The following RASGRF2 variants were observed in gnomAD, a reference collection of about 807,000 sequenced individuals.
The protein encoded by RASGRF2 is Ras protein specific guanine nucleotide releasing factor 2.
A neutral mutation model predicts 151.0 loss-of-function variants in RASGRF2; 76 were observed. That is an observed-to-expected ratio of 0.50 (90% CI 0.42 to 0.61). RASGRF2 has a LOEUF of 0.61. RASGRF2 is among the 20% of genes least tolerant of loss of function. RASGRF2 has a pLI of 0.00. For missense variants in RASGRF2, 1,148 were observed against 1,564.6 expected (o/e 0.73, Z 4.49); for synonymous variants, 504 against 566.5 (o/e 0.89, Z 1.57).
At chr5:81,178,803 G>GGA (rs1754842595) in intron 17 of RASGRF2, among the ~76,000 whole-genome samples, 2 of 151,880 alleles carry the variant, frequency 1.3e-5, no homozygotes, top group Non-Finnish European at 2.9e-5. Flanking sequence ...CAGTGGCGCC[G>GGA]TCTTGGCTCA....
intron 17 of RASGRF2, among the ~76,000 whole-genome samples, chr5:81,170,276 G>A (rs1324663838): frequency 6.6e-5 from 10 of 151,912 alleles, no homozygotes; most frequent in Non-Finnish European, 1.2e-4. Flanking sequence ...GCCTCTCCTC[G>A]TTCCACTTTG....
At chr5:81,206,737 C>T in intron 19 of RASGRF2, 108 bp from the exon 20 acceptor site, 2 of 897,680 alleles carry the variant, frequency 2.2e-6, no homozygotes, top group Non-Finnish European at 1.8e-6. Flanking sequence ...GCCTTGTAGA[C>T]CCAAATCCTC....
chr5:81,214,137 G>A (rs1453556130), intron 23 of RASGRF2, among the ~76,000 whole-genome samples: 1 of 152,208 alleles, frequency 6.6e-6, no homozygotes, highest in Non-Finnish European at 1.5e-5. Context: ...TGATATTCTT[G>A]TCTTTGATAG....
At position 81,228,862 on chromosome 5, in the gene RASGRF2, A is replaced by G. The variant is rs955994058; in HGVS notation, c.*3092A>G. The G allele has an allele frequency of 6.6e-6, 1 of 152,226 alleles. No homozygotes were observed. Among genetic ancestry groups the G allele is most frequent in the African/African-American group, 2.4e-5 (1 of 41,466 alleles). The allele number at this position is 152,226 out of a possible 1,614,324, so 9.4% of individuals were successfully genotyped here. ...ATTGCAATATTTTCAAGTGGCTCTC[A>G]TACCAAGTCCCATTACTGTTTGTTA... On this transcript the variant is annotated 3_prime_UTR_variant, in exon 27 of 27. Coordinates refer to ENST00000265080, the MANE Select transcript of RASGRF2 (RefSeq NM_006909.3).
chr5:81,006,151 A>G (rs1580195068), intron 1 of RASGRF2, among the ~76,000 whole-genome samples: 3 of 152,208 alleles, frequency 2.0e-5, no homozygotes, highest in East Asian at 1.9e-4. Context: ...TTGTATGGCT[A>G]TAGAACCAAC....
chr5:81,197,126 T>A (rs920391984), intron 18 of RASGRF2, among the ~76,000 whole-genome samples: 23 of 152,216 alleles, frequency 1.5e-4, no homozygotes, highest in Admixed American at 1.0e-3. Context: ...CAGTGGCTCT[T>A]GTTTCTGAAG....
At chr5:81,148,668 CTGT>C (rs1754059178) in intron 17 of RASGRF2, among the ~76,000 whole-genome samples, 1 of 113,686 alleles carries the variant, frequency 8.8e-6, no homozygotes, top group African/African-American at 3.3e-5. Context: ...ACTCTGGGGA[CTGT>C]TGTGGGGTGG....
rs77941185 is a variant in RASGRF2 at position 81,114,774 on chromosome 5, A to G, written c.2470+854A>G. 1.9e-3 allele frequency: 283 copies of G among 152,396 alleles called. 1 individual carries two copies. Among genetic ancestry groups the G allele is most frequent in the Middle Eastern group, 6.8e-3 (2 of 294 alleles). The allele number at this position is 152,396 out of a possible 1,614,324, so 9.4% of individuals were successfully genotyped here. A position where few individuals can be genotyped will look rare whatever the true frequency, so the allele number is the denominator to read the frequency against. ...TTTCCTCTGCTTGGCCACTTTTGCC[A>G]TGTAAGCTCCATGAGATCAGCAGTC... On this transcript the variant is annotated intron_variant, in intron 15 of 26. Transcript: ENST00000265080.
At chr5:81,106,483 G>A (rs1752850779) in intron 12 of RASGRF2, among the ~76,000 whole-genome samples, 1 of 152,138 alleles carries the variant, frequency 6.6e-6, no homozygotes, top group African/African-American at 2.4e-5. Context: ...CTTCCCATCT[G>A]CCTATAGGAT....
chr5:81,000,855 T>C (rs1056790822), intron 1 of RASGRF2, among the ~76,000 whole-genome samples: 1 of 152,214 alleles, frequency 6.6e-6, no homozygotes, highest in African/African-American at 2.4e-5. Flanking sequence ...CAGAACAACG[T>C]GCGTAACTGG....
At chr5:81,158,892 C>G (rs1754320154) in intron 17 of RASGRF2, among the ~76,000 whole-genome samples, 1 of 152,100 alleles carries the variant, frequency 6.6e-6, no homozygotes, top group Non-Finnish European at 1.5e-5. Context: ...TTATGAGGTT[C>G]AACATAAGCT....
At chr5:80,997,015 T>G (rs1328180238) in intron 1 of RASGRF2, among the ~76,000 whole-genome samples, 2 of 152,208 alleles carry the variant, frequency 1.3e-5, no homozygotes, top group Admixed American at 1.3e-4. Context: ...GTCTCCTTAT[T>G]TGGCAATTAA....
At chr5:81,015,292 T>C (rs2112323960) in intron 1 of RASGRF2, among the ~76,000 whole-genome samples, 1 of 152,296 alleles carries the variant, frequency 6.6e-6, no homozygotes, top group South Asian at 2.1e-4. Context: ...AGTAATGGGA[T>C]TGCTGGGTCA....
In RASGRF2 at chr5:81,097,331, G is replaced by A. The variant is rs534930774; in HGVS notation, c.1755+2339G>A. On this transcript the variant is annotated intron_variant, in intron 12 of 26. Transcript: ENST00000265080. ...ATGGCATTTTGTGGCTTTGACATTT[G>A]TGGTTTTATTCATTCAACAAATATA... Among the ~76,000 whole-genome samples, 11 of 152,242 alleles carry A rather than the reference G, an allele frequency of 7.2e-5. No homozygotes were observed. The South Asian group carries it at 2.3e-3, about 32-fold the overall frequency.
intron 1 of RASGRF2, among the ~76,000 whole-genome samples, chr5:80,965,941 T>C (rs112425073): frequency 0.011 from 1,606 of 152,284 alleles, 38 homozygotes; most frequent in African/African-American, 0.037. Flanking sequence ...TTACTTAGTC[T>C]TTATGATTAT....
chr5:81,115,035 C>T (rs895597039), intron 15 of RASGRF2, among the ~76,000 whole-genome samples: 1 of 152,142 alleles, frequency 6.6e-6, no homozygotes, highest in African/African-American at 2.4e-5. Context: ...AAATTACAAA[C>T]AGCTTTTAAA....
intron 1 of RASGRF2, among the ~76,000 whole-genome samples, chr5:81,030,866 A>G (rs1490652551): frequency 6.6e-6 from 1 of 152,256 alleles, no homozygotes; most frequent in Non-Finnish European, 1.5e-5. Context: ...AAATGGATAA[A>G]GAGTCAAGAC....
At chr5:81,057,805 G>A (rs1162173459) in intron 2 of RASGRF2, among the ~76,000 whole-genome samples, 2 of 151,942 alleles carry the variant, frequency 1.3e-5, no homozygotes, top group Non-Finnish European at 2.9e-5. Context: ...GACCAGCCTG[G>A]GGAACATAGT....
At chr5:81,100,273 A>G (rs1442699869) in intron 12 of RASGRF2, among the ~76,000 whole-genome samples, 1 of 152,130 alleles carries the variant, frequency 6.6e-6, no homozygotes, top group Non-Finnish European at 1.5e-5. Context: ...ACTGTATTGT[A>G]TTATACTAAT....
Sources: gnomAD v4.1 joint callset for allele counts (sites outside exome capture counted in the v4.1 genomes callset) on GRCh38, gnomAD v4.1.1 for gene constraint, MANE v1.5 for transcripts, NCBI Gene and HGNC (gene_info 2026-07-23, HGNC 2026-07-21) for gene names.